The following ORC4 variants were observed in gnomAD, a reference collection of about 807,000 sequenced individuals.
ORC4 encodes the protein origin recognition complex subunit 4.
ORC4 carries 55 observed loss-of-function variants against 63.9 expected under a neutral mutation model. The ratio of observed to expected loss-of-function variants is 0.86; its 90% CI spans 0.69 to 1.08. The LOEUF (loss-of-function observed/expected upper bound fraction) is 1.08. Among genes scored for constraint, ORC4 ranks in the 50% least tolerant of loss-of-function variants. The pLI is 0.00. For synonymous variants in ORC4, 150 were observed against 168.5 expected, an observed-to-expected ratio of 0.89 and a Z score of 0.85; for missense variants, 511 against 504.4, an observed-to-expected ratio of 1.01 and a Z score of -0.13.
chr2:148,002,099 G>C (rs1692347220), intron 1 of ORC4, among the ~76,000 whole-genome samples: 1 of 152,096 alleles, frequency 6.6e-6, no homozygotes, highest in Non-Finnish European at 1.5e-5. Context: ...GGAGCACCCA[G>C]ATTCATAAAG....
chr2:147,943,585 A>T, intron 9 of ORC4, 63 bp from the exon 10 acceptor site: 1 of 918,462 alleles, frequency 1.1e-6, no homozygotes, highest in East Asian at 2.5e-5. Context: ...ACCTAAATAT[A>T]ATCCTGTGCC....
intron 1 of ORC4, among the ~76,000 whole-genome samples, chr2:148,012,571 C>A (rs1693035579): frequency 6.6e-6 from 1 of 151,782 alleles, no homozygotes; most frequent in Non-Finnish European, 1.5e-5. Flanking sequence ...GCAACTAAAG[C>A]AAGAAAATAA....
At chr2:148,018,524 T>C (rs1375246954) in intron 1 of ORC4, among the ~76,000 whole-genome samples, 1 of 152,230 alleles carries the variant, frequency 6.6e-6, no homozygotes, top group Non-Finnish European at 1.5e-5. Context: ...TCCAAATGTT[T>C]ATTAATATTA....
chr2:147,952,475 A>G lies in ORC4; in HGVS notation c.486T>C (p.Asp162=). 1 of 1,611,746 alleles carries G rather than the reference A, an allele frequency of 6.2e-7. No homozygotes were observed. Among genetic ancestry groups the G allele is most frequent in the Non-Finnish European group, 8.5e-7 (1 of 1,177,892 alleles). ...CPVIFILDEF[D]LFAHHKNQTL... ...TTTGGTTTTTATGATGAGCAAAAAG[A>G]TCAAATTCATCTAATATGAAGATCA... Residue 162 remains aspartate, a synonymous_variant, in exon 8 of 14, where the codon GAT becomes GAC. Transcript: ENST00000392857.
rs1416575671 is a variant in ORC4 at position 147,972,730 on chromosome 2, A to C, written c.225+9T>G. The C allele has an allele frequency of 6.4e-7, 1 of 1,571,674 alleles. No individual in the cohort carries two copies. On this transcript the variant is annotated intron_variant, in intron 4 of 13. Coordinates refer to ENST00000392857, the MANE Select transcript of ORC4 (RefSeq NM_181741.4). Reference sequence around the variant, plus strand: ...ATGCCAACAAACACCAGAAATCAACAGCTTTTACCATAGTTTTTCCTGATC... The same window carrying C: ...ATGCCAACAAACACCAGAAATCAACCGCTTTTACCATAGTTTTTCCTGATC...
chr2:147,950,754 G>A, intron 8 of ORC4, among the ~76,000 whole-genome samples: 1 of 124,158 alleles, frequency 8.1e-6, no homozygotes, highest in East Asian at 2.3e-4. Context: ...GACAGAGCAA[G>A]ACTCCATCTC....
chr2:147,955,141 T>C (rs562341987), intron 7 of ORC4, among the ~76,000 whole-genome samples: 3 of 151,878 alleles, frequency 2.0e-5, no homozygotes, highest in African/African-American at 7.2e-5. Context: ...GATCAGTATA[T>C]CATTGAATAA....
chr2:148,003,086 C>G lies in ORC4; in HGVS notation c.-18+17547G>C, dbSNP rs142047699. Among the ~76,000 whole-genome samples, 995 of 152,182 alleles carry G rather than the reference C, an allele frequency of 6.5e-3. 5 individuals are homozygous for G. Among genetic ancestry groups the G allele is most frequent in the Non-Finnish European group, 0.012 (800 of 68,004 alleles). On this transcript the variant is annotated intron_variant, in intron 1 of 13. Transcript: ENST00000392857. ...GAAGAAGTCGAATCCCTAAATAGAC[C>G]AATAGCAAGTTCTGAAATTGAGGCA...
Sources: gnomAD v4.1 joint callset for allele counts (sites outside exome capture counted in the v4.1 genomes callset) on GRCh38, gnomAD v4.1.1 for gene constraint, MANE v1.5 for transcripts, NCBI Gene and HGNC (gene_info 2026-07-23, HGNC 2026-07-21) for gene names.